Variants in COL4A2 observed in about 807,000 individuals in gnomAD.
COL4A2 encodes the protein collagen alpha-2(IV) chain.
Under a neutral mutation model 200.2 loss-of-function variants are expected in COL4A2, and 99 were observed. The observed-to-expected ratio is 0.49, with a 90% CI of 0.42 to 0.58. The LOEUF is 0.58. Among genes scored for constraint, COL4A2 ranks in the 20% least tolerant of loss-of-function variants. The pLI, the probability that COL4A2 is intolerant of heterozygous loss-of-function variation, is 0.00. For synonymous variants in COL4A2, 897 were observed against 900.6 expected (o/e 1.00, Z 0.07); for missense variants, 1,950 against 2,314.1 (o/e 0.84, Z 3.23).
intron 10 of COL4A2, among the ~76,000 whole-genome samples, chr13:110,431,834 G>A (rs916319860): frequency 6.6e-5 from 10 of 152,178 alleles, no homozygotes; most frequent in African/African-American, 2.4e-4. Flanking sequence ...GCACAGTGTT[G>A]ACACTGAATG....
intron 4 of COL4A2, among the ~76,000 whole-genome samples, chr13:110,395,109 A>C (rs370930136): frequency 6.6e-6 from 1 of 152,168 alleles, no homozygotes; most frequent in African/African-American, 2.4e-5. Context: ...TCAACAGTGG[A>C]GACCTGTCTC....
In COL4A2 at chr13:110,505,151, C is replaced by G. The variant is rs553845903; in HGVS notation, c.4402+887C>G. Among the ~76,000 whole-genome samples the G allele has an allele frequency of 3.8e-4, 58 of 151,138 alleles. 1 individual carries two copies. The highest frequency in any genetic ancestry group is 6.5e-4 in the Non-Finnish European group (44 of 67,734). On this transcript the variant is annotated intron_variant, in intron 45 of 47. Transcript: ENST00000360467. ...GGATCACAAGGGCAGGAGATCGAGACCATCCTGGCTAACACGGTGAAACCC... is the reference window on the plus strand; with the variant it reads ...GGATCACAAGGGCAGGAGATCGAGAGCATCCTGGCTAACACGGTGAAACCC...
chr13:110,430,316 C>T (rs564164052), intron 8 of COL4A2, 85 bp from the exon 9 acceptor site: 2 of 1,558,724 alleles, frequency 1.3e-6, no homozygotes, highest in East Asian at 2.2e-5. Context: ...GTTTGATATG[C>T]TTATTTCCAA....
At chr13:110,309,511 C>T (rs1238379478) in intron 3 of COL4A2, among the ~76,000 whole-genome samples, 1 of 152,190 alleles carries the variant, frequency 6.6e-6, no homozygotes, top group Non-Finnish European at 1.5e-5. Flanking sequence ...GGGGCGATCC[C>T]TAGAAAATAC....
chr13:110,363,435 A>G (rs1352652072), intron 4 of COL4A2, among the ~76,000 whole-genome samples: 2 of 152,192 alleles, frequency 1.3e-5, no homozygotes, highest in Non-Finnish European at 2.9e-5. Flanking sequence ...ATTCAACACT[A>G]TAAATCAAAG....
rs778206449 is a variant in COL4A2 at position 110,480,233 on chromosome 13, T to C, written c.2601T>C (p.Asp867=). Residue 867 remains aspartate (D), a synonymous_variant, in exon 31 of 48, where the codon GAT becomes GAC. Transcript: ENST00000360467. ...GIPGREGLPG[D]RGDPGDTGAP... ...TCTTCCTGACAGGTCTGCCTGGTGA[T>C]AGAGGGGACCCTGGGGACACAGGCG... is the stretch of plus-strand genomic sequence containing the variant. 1 of 1,604,794 alleles carries C rather than the reference T, an allele frequency of 6.2e-7. No homozygotes were observed. Among genetic ancestry groups the C allele is most frequent in the Non-Finnish European group, 8.5e-7 (1 of 1,176,506 alleles).
At chr13:110,437,307 G>A (rs1176674798) in intron 13 of COL4A2, among the ~76,000 whole-genome samples, 2 of 152,212 alleles carry the variant, frequency 1.3e-5, no homozygotes, top group Non-Finnish European at 2.9e-5. Flanking sequence ...GGAGCCCAGA[G>A]CAGGTTTGAT....
rs1435137108 is a variant in COL4A2 at position 110,509,270 on chromosome 13, T to TATAC, written c.4881+1050_4881+1051insTACA. On this transcript the variant is annotated intron_variant, in intron 47 of 47. Coordinates refer to ENST00000360467, the MANE Select transcript of COL4A2 (RefSeq NM_001846.4). ...TTATATATATATATATATATATATA[T>TATAC]ACACACACACACACACACACACACA... Among the ~76,000 whole-genome samples the TATAC allele has an allele frequency of 6.6e-4, 76 of 115,576 alleles. 1 individual carries two copies. The highest frequency in any genetic ancestry group is 2.3e-3 in the South Asian group (8 of 3,496). The allele number at this position is 115,576 out of a possible 152,430, so 75.8% of individuals were successfully genotyped here.
chr13:110,474,037 G>C (rs897894853), intron 29 of COL4A2, among the ~76,000 whole-genome samples: 4 of 152,170 alleles, frequency 2.6e-5, no homozygotes, highest in African/African-American at 9.7e-5. Context: ...TGAGGTGGGA[G>C]GATTGCTTGA....
chr13:110,399,362 A>G (rs538195985), intron 4 of COL4A2, among the ~76,000 whole-genome samples: 1 of 152,292 alleles, frequency 6.6e-6, no homozygotes, highest in East Asian at 1.9e-4. Flanking sequence ...GCCATCATAT[A>G]TTAGTGACAT....
intron 4 of COL4A2, among the ~76,000 whole-genome samples, chr13:110,398,917 A>G (rs1390825395): frequency 2.0e-5 from 3 of 151,958 alleles, no homozygotes; most frequent in Admixed American, 6.6e-5. Context: ...TTACTTATAT[A>G]TAACTGTATC....
intron 29 of COL4A2, among the ~76,000 whole-genome samples, chr13:110,473,973 A>T (rs1882580342): frequency 6.9e-6 from 1 of 143,926 alleles, no homozygotes; most frequent in Non-Finnish European, 1.5e-5. Flanking sequence ...AAAAAAAAAT[A>T]ATAATTAACT....
intron 24 of COL4A2, among the ~76,000 whole-genome samples, chr13:110,463,618 G>C (rs770424305): frequency 1.9e-4 from 29 of 152,084 alleles, no homozygotes; most frequent in Non-Finnish European, 2.4e-4. Flanking sequence ...CTGCAGCCTC[G>C]AACTTCTGGA....
intron 3 of COL4A2, chr13:110,328,313 G>A (rs1186306528): frequency 6.6e-6 from 1 of 152,118 alleles, no homozygotes; most frequent in Non-Finnish European, 1.5e-5. Flanking sequence ...CATTGTTTCT[G>A]TTTTCAAAAT....
chr13:110,409,403 C>G (rs1398247186), intron 4 of COL4A2, among the ~76,000 whole-genome samples: 1 of 152,248 alleles, frequency 6.6e-6, no homozygotes, highest in Admixed American at 6.5e-5. Context: ...TTTCCCTCTC[C>G]CAGTAATGCT....
intron 4 of COL4A2, among the ~76,000 whole-genome samples, chr13:110,424,095 TAAG>T (rs1479008482): frequency 6.6e-6 from 1 of 152,104 alleles, no homozygotes; most frequent in African/African-American, 2.4e-5. Context: ...TTTAATGTGT[TAAG>T]GAGCCGCCAG....
intron 4 of COL4A2, among the ~76,000 whole-genome samples, chr13:110,417,704 A>T (rs1200522021): frequency 6.6e-6 from 1 of 152,204 alleles, no homozygotes; most frequent in African/African-American, 2.4e-5. Context: ...TAAAAATAGC[A>T]TCAGACAGTA....
intron 4 of COL4A2, among the ~76,000 whole-genome samples, chr13:110,357,976 A>C (rs1343272364): frequency 6.6e-6 from 1 of 152,228 alleles, no homozygotes; most frequent in African/African-American, 2.4e-5. Flanking sequence ...TAGATCCATC[A>C]ACACTGGGTC....
intron 3 of COL4A2, 75 bp downstream of exon 3, chr13:110,308,198 AGCTCGTCC>A (rs1884855864): frequency 1.1e-5 from 17 of 1,541,024 alleles, no homozygotes; most frequent in Non-Finnish European, 1.5e-5. Context: ...TGGAGAAGGC[AGCTCGTCC>A]GTGCGCTCCC....
Sources: gnomAD v4.1 joint callset for allele counts (sites outside exome capture counted in the v4.1 genomes callset) on GRCh38, gnomAD v4.1.1 for gene constraint, MANE v1.5 for transcripts, NCBI Gene and HGNC (gene_info 2026-07-23, HGNC 2026-07-21) for gene names.